The following VPS39 variants were observed in gnomAD, a reference collection of about 807,000 sequenced individuals.
VPS39 encodes the protein vam6/Vps39-like protein.
Under a neutral mutation model 121.0 loss-of-function variants are expected in VPS39, and 70 were observed. The ratio of observed to expected loss-of-function variants is 0.58; its 90% CI spans 0.48 to 0.71. The LOEUF (loss-of-function observed/expected upper bound fraction) is 0.71. VPS39 is among the 30% of genes least tolerant of loss of function. The pLI is 0.00. For missense variants in VPS39, 818 were observed against 1,051.5 expected (o/e 0.78, Z 3.07); for synonymous variants, 378 against 398.1 (o/e 0.95, Z 0.60).
intron 4 of VPS39, among the ~76,000 whole-genome samples, chr15:42,190,619 G>A (rs914300119): frequency 2.0e-5 from 3 of 152,140 alleles, no homozygotes; most frequent in African/African-American, 4.8e-5. Context: ...ACATCTCAAG[G>A]CCTTTGTTCT....
At chr15:42,189,819 T>TTTTTTTTTC (rs376361986) in intron 4 of VPS39, among the ~76,000 whole-genome samples, 2 of 82,706 alleles carry the variant, frequency 2.4e-5, no homozygotes, top group Non-Finnish European at 4.7e-5. Context: ...TTTTTTTTTT[T>TTTTTTTTTC]TGAGGCACGG....
intron 2 of VPS39, chr15:42,199,616 G>A (rs1465515614): frequency 4.2e-6 from 2 of 481,000 alleles, no homozygotes; most frequent in Non-Finnish European, 8.0e-6. Context: ...GAAAAGAGGA[G>A]GAAAACAACC....
In VPS39 at chr15:42,163,609, T is replaced by A; in HGVS notation, c.2129+17A>T. 6.2e-7 allele frequency: 1 copy of A among 1,608,146 alleles called. No individual in the cohort carries two copies. Among genetic ancestry groups the A allele is most frequent in the Non-Finnish European group, 8.5e-7 (1 of 1,176,064 alleles). On this transcript the variant is annotated intron_variant, in intron 20 of 24. Coordinates refer to ENST00000318006, the MANE Select transcript of VPS39 (RefSeq NM_015289.5). ...CTTTTAGACTGCTTAGGAGGTGGGATGTTGGGGCAAACTTACTCCTCAGCC... is the reference window on the plus strand; with the variant it reads ...CTTTTAGACTGCTTAGGAGGTGGGAAGTTGGGGCAAACTTACTCCTCAGCC...
At chr15:42,190,841 C>T (rs1002684866) in intron 4 of VPS39, among the ~76,000 whole-genome samples, 1 of 152,222 alleles carries the variant, frequency 6.6e-6, no homozygotes, top group East Asian at 1.9e-4. Flanking sequence ...CTATGTCTCA[C>T]TGAACTTGGT....
chr15:42,178,362 A>G lies in VPS39; in HGVS notation c.840-24T>C. ...ATCTGGAAGCAAGAGTAAGAATATT[A>G]GCAAAAGATCACAGGCTTTGTGATG... is the stretch of plus-strand genomic sequence containing the variant. On this transcript the variant is annotated intron_variant, in intron 9 of 24. Coordinates refer to ENST00000318006, the MANE Select transcript of VPS39 (RefSeq NM_015289.5). The G allele has an allele frequency of 1.9e-6, 3 of 1,614,168 alleles. No individual in the cohort carries two copies. The Admixed American group carries it at 5.0e-5, about 27-fold the overall frequency.
chr15:42,172,436 T>C (rs2049364940), intron 11 of VPS39, among the ~76,000 whole-genome samples: 1 of 152,144 alleles, frequency 6.6e-6, no homozygotes, highest in Admixed American at 6.5e-5. Flanking sequence ...GCCTGAGAGA[T>C]CTGAAGCAAG....
rs376199519 is a variant in VPS39 at position 42,159,446 on chromosome 15, T to C, written c.*1308A>G. 1 of 152,236 alleles carries C rather than the reference T, an allele frequency of 6.6e-6. No homozygotes were observed. Among genetic ancestry groups the C allele is most frequent in the African/African-American group, 2.4e-5 (1 of 41,414 alleles). 9.4% of individuals were successfully genotyped at this position (152,236 alleles called of 1,614,324 possible). ...GGGAGGACAGGAGGCAGGGCCACTC[T>C]CCCTGTGTGTCATCAGCCTGCAGTG... On this transcript the variant is annotated 3_prime_UTR_variant, in exon 25 of 25. Coordinates refer to ENST00000318006, the MANE Select transcript of VPS39 (RefSeq NM_015289.5).
At chr15:42,199,622 C>T (rs547095217) in intron 2 of VPS39, 1 of 479,990 alleles carries the variant, frequency 2.1e-6, no homozygotes, top group East Asian at 5.8e-5. Flanking sequence ...AGGAGGAAAA[C>T]AACCACCTCC....
intron 18 of VPS39, 49 bp from the exon 19 acceptor site, chr15:42,164,535 T>G: frequency 6.2e-7 from 1 of 1,604,006 alleles, no homozygotes; most frequent in Non-Finnish European, 8.5e-7. Flanking sequence ...CAGGTGGCAA[T>G]GTAGGGTCAT....
rs2049663350 is a variant in VPS39, at chr15:42,184,685, A to G, written c.550T>C (p.Ser184Pro). ...CCTGTTGGAAAGAGCTCTTTGATGGACCCCTTTCCATCCACCTATAGGAAG... is the reference window on the plus strand; with the variant it reads ...CCTGTTGGAAAGAGCTCTTTGATGGGCCCCTTTCCATCCACCTATAGGAAG... ...YYLIRVDGKG[S>P]IKELFPTGKQ... is the part of the protein sequence containing the mutation. Residue 184 changes from serine to proline, a missense_variant, in exon 8 of 25, where the codon TCC becomes CCC. Transcript: ENST00000318006. The G allele has an allele frequency of 6.2e-7, 1 of 1,612,150 alleles. No homozygotes were observed. Among genetic ancestry groups the G allele is most frequent in the Non-Finnish European group, 8.5e-7 (1 of 1,178,964 alleles).
At chr15:42,184,815 A>G in intron 7 of VPS39, 115 bp from the exon 8 acceptor site, 7 of 1,008,490 alleles carry the variant, frequency 6.9e-6, no homozygotes, top group South Asian at 1.6e-5. Flanking sequence ...CTTGTTTGAC[A>G]TAAGAAAATG....
chr15:42,197,795 C>G (rs1185498296), intron 2 of VPS39, among the ~76,000 whole-genome samples: 1 of 152,086 alleles, frequency 6.6e-6, no homozygotes, highest in South Asian at 2.1e-4. Flanking sequence ...CTCAGAAAGA[C>G]AGTCTACCCA....
intron 2 of VPS39, among the ~76,000 whole-genome samples, chr15:42,195,001 G>C (rs2140883166): frequency 6.6e-6 from 1 of 151,814 alleles, no homozygotes; most frequent in East Asian, 1.9e-4. Flanking sequence ...TGTCCTTGTA[G>C]GTCCTCTGAA....
intron 1 of VPS39, among the ~76,000 whole-genome samples, chr15:42,205,894 T>G (rs1223640057): frequency 6.6e-6 from 1 of 152,144 alleles, no homozygotes; most frequent in Non-Finnish European, 1.5e-5. Context: ...TGCTGATAGA[T>G]GGGATACAGT....
rs748672287 is a variant in VPS39, at chr15:42,166,579, C to A, written c.1590G>T (p.Gln530His). The A allele has an allele frequency of 1.2e-6, 2 of 1,614,264 alleles. No individual in the cohort carries two copies. The highest frequency in any genetic ancestry group is 1.1e-5 in the South Asian group (1 of 91,090). The change falls in exon 15 of 25, where the codon CAG becomes CAT. Residue 530 changes from glutamine (Q) to histidine (H), a missense_variant. By Grantham distance (24) the Gln-to-His change is conservative. Coordinates refer to ENST00000318006, the MANE Select transcript of VPS39 (RefSeq NM_015289.5). ...CGGACTTACCCAGATGCTGCAGATA[C>A]TGCACTGTCCTCTCGTGGCCTTTCA... The part of the protein sequence containing the change: ...SPLKGHERTV[Q>H]YLQHLGTENL...
intron 2 of VPS39, 198 bp downstream of exon 2, chr15:42,199,698 T>A (rs908769819): frequency 1.4e-5 from 8 of 569,192 alleles, no homozygotes; most frequent in Middle Eastern, 2.7e-4. Context: ...CAATTCATCC[T>A]CACCTCCCAA....
At chr15:42,182,753 C>T (rs78065362) in intron 8 of VPS39, among the ~76,000 whole-genome samples, 2 of 152,150 alleles carry the variant, frequency 1.3e-5, no homozygotes, top group South Asian at 4.1e-4. Flanking sequence ...AGGGCAAGTG[C>T]CTCAAAACTT....
intron 2 of VPS39, among the ~76,000 whole-genome samples, chr15:42,191,854 A>G (rs1566906894): frequency 6.6e-6 from 1 of 152,218 alleles, no homozygotes; most frequent in African/African-American, 2.4e-5. Flanking sequence ...ATCTTGCAAA[A>G]TCAGTACCTT....
rs368767296 is a variant in VPS39 at position 42,166,309 on chromosome 15, G to T, written c.1607-77C>A. ...CACTGGGAAGGCAGGTGGGCAGGTT[G>T]CCCCAGAATTCATTTTCCTGAAAAG... On this transcript the variant is annotated intron_variant, in intron 15 of 24. Coordinates refer to ENST00000318006, the MANE Select transcript of VPS39 (RefSeq NM_015289.5). The T allele has an allele frequency of 2.5e-5, 36 of 1,450,530 alleles. No individual in the cohort carries two copies. The East Asian group carries it at 6.1e-4, about 25-fold the overall frequency. 89.9% of individuals were successfully genotyped at this position (1,450,530 alleles called of 1,614,324 possible). A position where few individuals can be genotyped will look rare whatever the true frequency, so the allele number is the denominator to read the frequency against.
Sources: gnomAD v4.1 joint callset for allele counts (sites outside exome capture counted in the v4.1 genomes callset) on GRCh38, gnomAD v4.1.1 for gene constraint, MANE v1.5 for transcripts, NCBI Gene and HGNC (gene_info 2026-07-23, HGNC 2026-07-21) for gene names.